The following PRKN variants were observed in gnomAD, a reference collection of about 807,000 sequenced individuals.
The protein encoded by PRKN is E3 ubiquitin-protein ligase parkin.
Under a neutral mutation model 59.5 loss-of-function variants are expected in PRKN, and 56 were observed. The observed-to-expected ratio is 0.94, with a 90% CI of 0.76 to 1.18. The LOEUF (loss-of-function observed/expected upper bound fraction) is 1.18, where lower values mean the gene tolerates loss of function less well. PRKN is among the 50% of genes most tolerant of loss of function. The pLI is 0.00. For synonymous variants in PRKN, 250 were observed against 222.1 expected, an observed-to-expected ratio of 1.13 and a Z score of -1.12; for missense variants, 657 against 596.4, an observed-to-expected ratio of 1.10 and a Z score of -1.06.
intron 5 of PRKN, among the ~76,000 whole-genome samples, chr6:161,995,212 T>C (rs1781796873): frequency 6.6e-6 from 1 of 152,084 alleles, no homozygotes; most frequent in African/African-American, 2.4e-5. Flanking sequence ...TAAAAAGTGC[T>C]AGGCAAGATG....
At chr6:162,580,107 T>C (rs1025884898) in intron 1 of PRKN, among the ~76,000 whole-genome samples, 1 of 152,188 alleles carries the variant, frequency 6.6e-6, no homozygotes, top group Non-Finnish European at 1.5e-5. Flanking sequence ...CACTGGACTT[T>C]CGGTGACAAG....
chr6:162,206,268 T>G (rs1784934243), intron 3 of PRKN, among the ~76,000 whole-genome samples: 1 of 152,162 alleles, frequency 6.6e-6, no homozygotes, highest in Non-Finnish European at 1.5e-5. Flanking sequence ...ACTTCTTGTA[T>G]GATTTCTGCC....
At chr6:162,650,467 G>A (rs1032387116) in intron 1 of PRKN, among the ~76,000 whole-genome samples, 82 of 150,744 alleles carry the variant, frequency 5.4e-4, no homozygotes, top group African/African-American at 1.8e-3. Flanking sequence ...GCGTAGTGGC[G>A]GGCGCCTGTA....
At chr6:162,519,181 C>G (rs1318470867) in intron 1 of PRKN, among the ~76,000 whole-genome samples, 2 of 152,008 alleles carry the variant, frequency 1.3e-5, no homozygotes, top group Non-Finnish European at 2.9e-5. Context: ...AAAAAACAAA[C>G]AAACAAAAAC....
chr6:162,671,996 A>G (rs1779341611), intron 1 of PRKN, among the ~76,000 whole-genome samples: 1 of 152,036 alleles, frequency 6.6e-6, no homozygotes, highest in Non-Finnish European at 1.5e-5. Flanking sequence ...CTGGCAGAGC[A>G]GTGGTGCCCA....
chr6:162,714,624 T>C (rs1447363439), intron 1 of PRKN, among the ~76,000 whole-genome samples: 2 of 152,226 alleles, frequency 1.3e-5, no homozygotes, highest in African/African-American at 4.8e-5. Context: ...TTTTAACATT[T>C]AGTTTCAGTA....
chr6:162,512,470 A>G (rs1230833073), intron 1 of PRKN, among the ~76,000 whole-genome samples: 2 of 152,206 alleles, frequency 1.3e-5, no homozygotes, highest in East Asian at 3.8e-4. Flanking sequence ...AAATAACAAC[A>G]AGGGAGAATT....
At chr6:162,517,834 C>T (rs1777929071) in intron 1 of PRKN, among the ~76,000 whole-genome samples, 1 of 152,104 alleles carries the variant, frequency 6.6e-6, no homozygotes, top group Non-Finnish European at 1.5e-5. Context: ...TATTAACCAA[C>T]AATCTTTTAG....
chr6:162,041,438 G>C (rs1162243292), intron 5 of PRKN, among the ~76,000 whole-genome samples: 1 of 152,166 alleles, frequency 6.6e-6, no homozygotes, highest in Non-Finnish European at 1.5e-5. Flanking sequence ...AGAGAGTAAA[G>C]ACATTCCATT....
intron 9 of PRKN, among the ~76,000 whole-genome samples, chr6:161,426,466 G>T (rs1788361778): frequency 6.6e-6 from 1 of 152,000 alleles, no homozygotes; most frequent in Admixed American, 6.6e-5. Flanking sequence ...GACTAGACTG[G>T]CCTAGCCTCC....
intron 10 of PRKN, among the ~76,000 whole-genome samples, chr6:161,368,205 G>T (rs1202785877): frequency 6.6e-6 from 1 of 150,404 alleles, no homozygotes; most frequent in African/African-American, 2.4e-5. Flanking sequence ...GCGACGGTCA[G>T]GAGTTCAAGA....
At chr6:162,580,287 G>T (rs537213942) in intron 1 of PRKN, among the ~76,000 whole-genome samples, 7 of 151,946 alleles carry the variant, frequency 4.6e-5, no homozygotes, top group African/African-American at 1.4e-4. Flanking sequence ...AAAATACAAA[G>T]ATTAGCCAGG....
intron 9 of PRKN, among the ~76,000 whole-genome samples, chr6:161,389,630 C>T (rs997005660): frequency 3.3e-5 from 5 of 152,188 alleles, no homozygotes; most frequent in African/African-American, 1.2e-4. Flanking sequence ...TCTGTTAATA[C>T]TTGGGTCTGC....
At chr6:162,025,702 C>T (rs949036418) in intron 5 of PRKN, among the ~76,000 whole-genome samples, 7 of 146,798 alleles carry the variant, frequency 4.8e-5, no homozygotes, top group South Asian at 4.4e-4. Flanking sequence ...GATTCTTCTG[C>T]CTCAGCCTCC....
intron 7 of PRKN, among the ~76,000 whole-genome samples, chr6:161,662,815 G>A (rs12525018): frequency 0.26 from 39,585 of 151,922 alleles, 5,506 homozygotes; most frequent in African/African-American, 0.36. Context: ...GGGTCTAATC[G>A]AACACATGAG....
chr6:161,380,426 CTTTTTTTTT>C (rs977152868), intron 10 of PRKN, among the ~76,000 whole-genome samples: 81 of 117,958 alleles, frequency 6.9e-4, no homozygotes, highest in African/African-American at 2.3e-3. Flanking sequence ...CCAAGTCTAT[CTTTTTTTTT>C]TTTTTTTTTT....
intron 9 of PRKN, among the ~76,000 whole-genome samples, chr6:161,411,361 C>T (rs917496624): frequency 3.3e-5 from 5 of 152,168 alleles, no homozygotes; most frequent in East Asian, 1.9e-4. Context: ...TCTTGCCTGC[C>T]GCCATGTAAG....
chr6:161,858,922 C>T (rs1157292658), intron 6 of PRKN, among the ~76,000 whole-genome samples: 3 of 126,988 alleles, frequency 2.4e-5, no homozygotes, highest in Non-Finnish European at 4.8e-5. Flanking sequence ...AGCACAGTGG[C>T]GTGATCTTGG....
chr6:162,459,881 A>G (rs1320572416), intron 1 of PRKN, among the ~76,000 whole-genome samples: 1 of 152,212 alleles, frequency 6.6e-6, no homozygotes, highest in African/African-American at 2.4e-5. Flanking sequence ...ATCTCAACAG[A>G]TAGGGAGAAG....
Sources: allele counts gnomAD v4.1 joint callset (sites outside exome capture counted in the v4.1 genomes callset), GRCh38; gene constraint gnomAD v4.1.1; transcripts MANE v1.5; gene names NCBI Gene and HGNC (gene_info 2026-07-23, HGNC 2026-07-21).